The following TBC1D19 variants were observed in gnomAD, a reference collection of about 807,000 sequenced individuals.
TBC1D19 encodes the protein TBC1 domain family member 19.
Under a neutral mutation model 89.0 loss-of-function variants are expected in TBC1D19, and 60 were observed. The observed-to-expected ratio is 0.67, with a 90% CI of 0.55 to 0.84. TBC1D19 has a LOEUF of 0.84. Ranked by LOEUF, TBC1D19 falls within the 40% of genes least tolerant of loss-of-function variation. The pLI is 0.00. For missense variants in TBC1D19, 500 were observed against 610.8 expected (o/e 0.82, Z 1.91); for synonymous variants, 189 against 199.7 (o/e 0.95, Z 0.45).
the TBC1D19 span, among the ~76,000 whole-genome samples, chr4:26,820,102 A>T: frequency 6.6e-6 from 1 of 152,240 alleles, no homozygotes; most frequent in Non-Finnish European, 1.5e-5. Flanking sequence ...ATCTATGTGT[A>T]CATTGTAGAA....
chr4:26,768,954 A>C, the TBC1D19 span, among the ~76,000 whole-genome samples: 1 of 151,996 alleles, frequency 6.6e-6, no homozygotes, highest in Non-Finnish European at 1.5e-5. Flanking sequence ...CCTGTCCAAG[A>C]AGATCAACAA....
the TBC1D19 span, among the ~76,000 whole-genome samples, chr4:26,782,837 A>C: frequency 6.6e-6 from 1 of 152,280 alleles, no homozygotes; most frequent in South Asian, 2.1e-4. Flanking sequence ...TTGAGAAAAA[A>C]AAAAACCAGC....
At chr4:26,726,126 AACACAC>A (rs56262902) in intron 15 of TBC1D19, among the ~76,000 whole-genome samples, 55,434 of 126,790 alleles carry the variant, frequency 0.44, 12,498 homozygotes, top group Admixed American at 0.52. Flanking sequence ...CAATTCTCCC[AACACAC>A]ACACACACAC....
At chr4:26,714,450 C>T (rs1021246810) in intron 13 of TBC1D19, among the ~76,000 whole-genome samples, 2 of 151,964 alleles carry the variant, frequency 1.3e-5, no homozygotes, top group South Asian at 4.1e-4. Context: ...ACCAATTATC[C>T]ATCCTCCTTT....
the TBC1D19 span, among the ~76,000 whole-genome samples, chr4:26,777,009 T>A: frequency 6.6e-6 from 1 of 152,210 alleles, no homozygotes; most frequent in African/African-American, 2.4e-5. Context: ...TTTTGTTGAA[T>A]TATAGCTTGT....
At chr4:26,656,544 CT>C (rs1185061931) in intron 7 of TBC1D19, among the ~76,000 whole-genome samples, 1 of 151,168 alleles carries the variant, frequency 6.6e-6, no homozygotes, top group African/African-American at 2.4e-5. Context: ...ATGTCAGTAT[CT>C]AAGTTGGCTT....
chr4:26,743,615 TA>T (rs1718492024), intron 18 of TBC1D19, among the ~76,000 whole-genome samples: 1 of 152,060 alleles, frequency 6.6e-6, no homozygotes, highest in South Asian at 2.1e-4. Context: ...ATCTCCTTTT[TA>T]TAAAGTACCA....
the TBC1D19 span, among the ~76,000 whole-genome samples, chr4:26,789,190 GT>G: frequency 6.6e-6 from 1 of 152,232 alleles, no homozygotes; most frequent in Non-Finnish European, 1.5e-5. Context: ...GTGTTCCCAT[GT>G]GTAATTGAGT....
chr4:26,812,037 G>T, the TBC1D19 span, among the ~76,000 whole-genome samples: 1 of 152,170 alleles, frequency 6.6e-6, no homozygotes, highest in Non-Finnish European at 1.5e-5. The surrounding 1 kb of genome is among the most constrained non-coding windows in gnomAD (Gnocchi z 4.2). Flanking sequence ...AGATAGAGTT[G>T]CTCTAGTTCA....
At chr4:26,842,634 TTCTTTC>T in the TBC1D19 span, among the ~76,000 whole-genome samples, 1 of 146,448 alleles carries the variant, frequency 6.8e-6, no homozygotes. Flanking sequence ...CTTTCTTTCT[TTCTTTC>T]TTTCTTTTTC....
At chr4:26,580,020 A>T (rs1739037416), upstream of TBC1D19, among the ~76,000 whole-genome samples, 1 of 152,178 alleles carries the variant, frequency 6.6e-6, no homozygotes, top group Non-Finnish European at 1.5e-5. Context: ...GTAATAATAA[A>T]GATCTTATTA....
chr4:26,585,589 A>T (rs547587744), intron 1 of TBC1D19, among the ~76,000 whole-genome samples: 3 of 151,856 alleles, frequency 2.0e-5, no homozygotes, highest in African/African-American at 7.2e-5. Context: ...TCTGTGGATT[A>T]TCTTTTTTTT....
At chr4:26,602,280 C>T (rs946007870) in intron 1 of TBC1D19, among the ~76,000 whole-genome samples, 3 of 152,000 alleles carry the variant, frequency 2.0e-5, no homozygotes, top group South Asian at 2.1e-4. Context: ...AAGATCCTTT[C>T]AGGTCAAAGC....
At chr4:26,805,054 C>T in the TBC1D19 span, among the ~76,000 whole-genome samples, 1 of 152,190 alleles carries the variant, frequency 6.6e-6, no homozygotes, top group African/African-American at 2.4e-5. Context: ...CTCAGCTCCT[C>T]TTCCCACGGA....
chr4:26,632,350 C>T (rs1742853177), intron 4 of TBC1D19, among the ~76,000 whole-genome samples: 1 of 151,084 alleles, frequency 6.6e-6, no homozygotes. Context: ...TGGATTAACA[C>T]ATATTTTATA....
the TBC1D19 span, among the ~76,000 whole-genome samples, chr4:26,851,304 C>CCTCTCTATCTATCTATCTATCTGTCTGT: frequency 6.2e-3 from 908 of 147,074 alleles, 3 homozygotes; most frequent in Admixed American, 9.7e-3. Flanking sequence ...TAATAAATAC[C>CCTCTCTATCTATCTATCTATCTGTCTGT]CTATCTATCT....
intron 15 of TBC1D19, among the ~76,000 whole-genome samples, chr4:26,721,996 T>C (rs1297891755): frequency 1.3e-5 from 2 of 152,152 alleles, no homozygotes; most frequent in East Asian, 1.9e-4. Flanking sequence ...TAGACTCCCA[T>C]AGTACCTGGT....
At chr4:26,676,262 CTCTTCAGTCCCT>C (rs1712795211) in intron 11 of TBC1D19, among the ~76,000 whole-genome samples, 1 of 152,212 alleles carries the variant, frequency 6.6e-6, no homozygotes, top group African/African-American at 2.4e-5. Context: ...GACCTTCACT[CTCTTCAGTCCCT>C]TCTCTTCAGT....
intron 7 of TBC1D19, among the ~76,000 whole-genome samples, chr4:26,655,343 T>C (rs765455658): frequency 7.9e-5 from 12 of 152,218 alleles, no homozygotes; most frequent in Non-Finnish European, 1.6e-4. Context: ...GGAGGCAGTC[T>C]ATCCGTTCTC....
Sources: gnomAD v4.1 joint callset for allele counts (sites outside exome capture counted in the v4.1 genomes callset) on GRCh38, gnomAD v4.1.1 for gene constraint, Gnocchi (gnomAD v3.1) non-coding constraint, MANE v1.5 for transcripts, NCBI Gene and HGNC (gene_info 2026-07-23, HGNC 2026-07-21) for gene names.